Variants in NKAIN3 observed in about 807,000 individuals in gnomAD.
NKAIN3 encodes sodium/potassium-transporting ATPase subunit beta-1-interacting protein 3.
NKAIN3 carries 25 observed loss-of-function variants against 30.2 expected under a neutral mutation model. That is an observed-to-expected ratio of 0.83 (90% CI 0.60 to 1.16). NKAIN3 has a LOEUF of 1.16. NKAIN3 is among the 50% of genes most tolerant of loss of function. The pLI is 0.00. For synonymous variants in NKAIN3, 91 were observed against 89.6 expected, an observed-to-expected ratio of 1.02 and a Z score of -0.09; for missense variants, 225 against 254.1, an observed-to-expected ratio of 0.89 and a Z score of 0.78.
intron 1 of NKAIN3, among the ~76,000 whole-genome samples, chr8:62,304,479 G>A (rs961252512): frequency 6.7e-6 from 1 of 150,290 alleles, no homozygotes; most frequent in African/African-American, 2.5e-5. Context: ...GGAATAATGT[G>A]ATATTTCGAT....
chr8:62,436,849 A>C (rs1427084137), intron 1 of NKAIN3, among the ~76,000 whole-genome samples: 2 of 152,178 alleles, frequency 1.3e-5, no homozygotes, highest in Non-Finnish European at 2.9e-5. Flanking sequence ...CGCACAAGTA[A>C]AAGTAAGAAA....
intron 3 of NKAIN3, among the ~76,000 whole-genome samples, chr8:62,703,023 C>T (rs1480333730): frequency 6.6e-6 from 1 of 152,136 alleles, no homozygotes; most frequent in Non-Finnish European, 1.5e-5. Flanking sequence ...ACCCATATGT[C>T]ATTCCTTTCA....
intron 1 of NKAIN3, among the ~76,000 whole-genome samples, chr8:62,405,606 C>A (rs545307747): frequency 1.8e-4 from 27 of 152,310 alleles, no homozygotes; most frequent in African/African-American, 6.5e-4. Context: ...CACATAGATT[C>A]TCCATGCGGC....
chr8:62,770,549 C>T lies in NKAIN3; in HGVS notation c.471+23420C>T, dbSNP rs148016112. Among the ~76,000 whole-genome samples the T allele has an allele frequency of 1.6e-3, 250 of 152,188 alleles. 1 individual carries two copies. Among genetic ancestry groups the T allele is most frequent in the African/African-American group, 5.9e-3 (244 of 41,530 alleles). On this transcript the variant is annotated intron_variant, in intron 4 of 6. Transcript: ENST00000623646. ...ATGGTAGAGACAGACAGAAACCAAT[C>T]CCTCATGTCTCTTCTTATGAGGGTA...
chr8:62,456,457 TG>T (rs1172392190), intron 1 of NKAIN3, among the ~76,000 whole-genome samples: 10 of 151,906 alleles, frequency 6.6e-5, no homozygotes, highest in Non-Finnish European at 1.5e-5. Flanking sequence ...AGGCAGAGCT[TG>T]TAGTGAGCCG....
At chr8:62,324,246 C>T (rs1364696480) in intron 1 of NKAIN3, among the ~76,000 whole-genome samples, 1 of 151,914 alleles carries the variant, frequency 6.6e-6, no homozygotes, top group African/African-American at 2.4e-5. Context: ...TCTGTACTTT[C>T]TGGTCATATT....
At chr8:62,809,597 G>A (rs1291253734) in intron 4 of NKAIN3, among the ~76,000 whole-genome samples, 1 of 152,106 alleles carries the variant, frequency 6.6e-6, no homozygotes, top group Non-Finnish European at 1.5e-5. Flanking sequence ...GAAAACAATT[G>A]TATAGGTTCT....
chr8:62,636,610 T>A (rs1812138173), intron 3 of NKAIN3, among the ~76,000 whole-genome samples: 1 of 152,222 alleles, frequency 6.6e-6, no homozygotes. Flanking sequence ...TCGTAGAGAA[T>A]AATCTTGTGT....
At chr8:62,702,296 C>G (rs537210624) in intron 3 of NKAIN3, among the ~76,000 whole-genome samples, 2 of 152,202 alleles carry the variant, frequency 1.3e-5, no homozygotes, top group East Asian at 3.9e-4. Context: ...AACTTCTAAA[C>G]CAATATTTTT....
In NKAIN3 at chr8:62,454,301, C is replaced by CAAAAAAAAAAAAAAAAAAAAAAAAAA. The variant is rs201511724; in HGVS notation, c.55-125216_55-125215insAAAAAAAAAAAAAAAAAAAAAAAAAA. ...ACCAACACTAACAATAGCTGATGTG[C>CAAAAAAAAAAAAAAAAAAAAAAAAAA]AAAAAAAAAAAAAAAAAAAAAATCT... On this transcript the variant is annotated intron_variant, in intron 1 of 6. Coordinates refer to ENST00000623646, the MANE Select transcript of NKAIN3 (RefSeq NM_001304533.3). Among the ~76,000 whole-genome samples the CAAAAAAAAAAAAAAAAAAAAAAAAAA allele has an allele frequency of 3.2e-3, 179 of 56,140 alleles. 19 individuals are homozygous for CAAAAAAAAAAAAAAAAAAAAAAAAAA. The highest frequency in any genetic ancestry group is 6.9e-3 in the East Asian group (18 of 2,600). The allele number at this position is 56,140 out of a possible 152,430, so 36.8% of individuals were successfully genotyped here. A position where few individuals can be genotyped will look rare whatever the true frequency, so the allele number is the denominator to read the frequency against.
intron 1 of NKAIN3, among the ~76,000 whole-genome samples, chr8:62,465,943 A>G (rs1164884438): frequency 1.3e-5 from 2 of 152,088 alleles, no homozygotes; most frequent in African/African-American, 4.8e-5. Context: ...GAATCTCTTG[A>G]ACCTAGGAGG....
At chr8:62,740,370 T>G (rs1815826102) in intron 3 of NKAIN3, among the ~76,000 whole-genome samples, 1 of 152,170 alleles carries the variant, frequency 6.6e-6, no homozygotes, top group African/African-American at 2.4e-5. Flanking sequence ...ATGGGCTGAC[T>G]TGTGATGGAA....
chr8:62,406,067 T>A (rs1804055862), intron 1 of NKAIN3, among the ~76,000 whole-genome samples: 1 of 152,222 alleles, frequency 6.6e-6, no homozygotes, highest in Non-Finnish European at 1.5e-5. Flanking sequence ...AAGGATAATT[T>A]ATCTTACTCA....
chr8:62,350,340 T>C (rs1056059093), intron 1 of NKAIN3, among the ~76,000 whole-genome samples: 27 of 152,258 alleles, frequency 1.8e-4, no homozygotes, highest in Middle Eastern at 3.4e-3. Flanking sequence ...CTTGAAAACA[T>C]TATACTAAAT....
intron 3 of NKAIN3, among the ~76,000 whole-genome samples, chr8:62,737,537 G>A (rs1425435752): frequency 6.6e-6 from 1 of 151,960 alleles, no homozygotes; most frequent in East Asian, 1.9e-4. Flanking sequence ...ATTGTGCTTT[G>A]TCTTTAGAAT....
At position 62,364,828 on chromosome 8, in the gene NKAIN3, C is replaced by CAAAAAAAAAAAAAAAAAAA. The variant is rs58784999; in HGVS notation, c.54+115706_54+115724dup. Among the ~76,000 whole-genome samples the CAAAAAAAAAAAAAAAAAAA allele has an allele frequency of 4.7e-5, 3 of 63,762 alleles. 1 individual carries two copies. The highest frequency in any genetic ancestry group is 7.8e-5 in the Non-Finnish European group (3 of 38,430). 41.8% of individuals were successfully genotyped at this position (63,762 alleles called of 152,430 possible). On this transcript the variant is annotated intron_variant, in intron 1 of 6. Transcript: ENST00000623646. The stretch of plus-strand genomic sequence containing the variant: ...TGTGTGACAGAGCGAGACTCCACTA[C>CAAAAAAAAAAAAAAAAAAA]AAAAAAAAAAAAAAAAAAAAAAATC...
intron 4 of NKAIN3, among the ~76,000 whole-genome samples, chr8:62,876,193 C>T (rs946452851): frequency 6.6e-6 from 1 of 152,150 alleles, no homozygotes; most frequent in Non-Finnish European, 1.5e-5. Flanking sequence ...CAAAAGAAGA[C>T]ATTTATGCAG....
chr8:62,372,840 T>A (rs1055627410), intron 1 of NKAIN3, among the ~76,000 whole-genome samples: 4 of 152,078 alleles, frequency 2.6e-5, no homozygotes, highest in African/African-American at 9.7e-5. Context: ...CTTTTGATTT[T>A]AAAATAAACC....
intron 3 of NKAIN3, among the ~76,000 whole-genome samples, chr8:62,683,738 A>G (rs778089411): frequency 2.1e-4 from 32 of 152,122 alleles, no homozygotes; most frequent in Non-Finnish European, 4.1e-4. Flanking sequence ...CCCCACCCTG[A>G]GAAGATGGAA....
Sources: allele counts gnomAD v4.1 joint callset (sites outside exome capture counted in the v4.1 genomes callset), GRCh38; gene constraint gnomAD v4.1.1; transcripts MANE v1.5; gene names NCBI Gene and HGNC (gene_info 2026-07-23, HGNC 2026-07-21).